GRIA1: variants seen among roughly 807,000 people sequenced by gnomAD.
GRIA1 encodes the protein glutamate ionotropic receptor AMPA type subunit 1.
In GRIA1, 31 loss-of-function variants were observed where a neutral mutation model predicts 99.2. That is an observed-to-expected ratio of 0.31 (90% confidence interval 0.23 to 0.42). The LOEUF (loss-of-function observed/expected upper bound fraction) is 0.42. GRIA1 is among the 10% of genes least tolerant of loss of function. GRIA1 has a pLI of 1.00. For missense variants in GRIA1, 782 were observed against 1,157.5 expected (o/e 0.68, Z 4.71); for synonymous variants, 438 against 432.4 (o/e 1.01, Z -0.16).
At chr5:153,592,488 A>G (rs917104448) in intron 2 of GRIA1, among the ~76,000 whole-genome samples, 10 of 152,250 alleles carry the variant, frequency 6.6e-5, no homozygotes, top group African/African-American at 2.2e-4. Flanking sequence ...GATTTTTCTC[A>G]TCACTAGTTG....
At chr5:153,682,749 G>A (rs1757067712) in intron 7 of GRIA1, among the ~76,000 whole-genome samples, 1 of 152,126 alleles carries the variant, frequency 6.6e-6, no homozygotes, top group Non-Finnish European at 1.5e-5. Context: ...CTCCACCTCT[G>A]CAAGACCCAT....
chr5:153,746,884 C>T (rs940766558), intron 11 of GRIA1, among the ~76,000 whole-genome samples: 3 of 152,102 alleles, frequency 2.0e-5, no homozygotes, highest in African/African-American at 4.8e-5. Flanking sequence ...AGGTAAATCT[C>T]GAGAAAGGAG....
At chr5:153,674,741 T>A in intron 6 of GRIA1, 80 bp downstream of exon 6, 2 of 1,395,984 alleles carry the variant, frequency 1.4e-6, no homozygotes, top group Non-Finnish European at 2.0e-6. Context: ...CATTAGTCTT[T>A]ACAAAGGAAT....
intron 14 of GRIA1, 147 bp from the exon 15 acceptor site, chr5:153,802,209 T>C (rs966258815): frequency 1.5e-6 from 1 of 649,182 alleles, no homozygotes; most frequent in Non-Finnish European, 2.7e-6. Context: ...GGTCAATGAA[T>C]AAATAGCCTA....
chr5:153,735,512 C>A (rs1353256754), intron 11 of GRIA1, among the ~76,000 whole-genome samples: 1 of 152,166 alleles, frequency 6.6e-6, no homozygotes, highest in Non-Finnish European at 1.5e-5. Context: ...AGGGGTCGAT[C>A]TTTAACTACC....
At chr5:153,685,689 A>G (rs189536926) in intron 7 of GRIA1, among the ~76,000 whole-genome samples, 3 of 152,332 alleles carry the variant, frequency 2.0e-5, no homozygotes, top group East Asian at 1.9e-4. Flanking sequence ...AAGTCTTTCA[A>G]TTGCCAAGTA....
At chr5:153,517,400 G>T (rs1756729611) in intron 2 of GRIA1, among the ~76,000 whole-genome samples, 1 of 152,104 alleles carries the variant, frequency 6.6e-6, no homozygotes, top group Admixed American at 6.5e-5. Context: ...GCTTCCAGGG[G>T]TAGTAACCAC....
chr5:153,751,084 G>A (rs1026704027), intron 11 of GRIA1, among the ~76,000 whole-genome samples: 4 of 152,138 alleles, frequency 2.6e-5, no homozygotes, highest in African/African-American at 9.7e-5. Context: ...TGGACAACAA[G>A]AGCGAGACTC....
chr5:153,725,003 T>C (rs1187352612), intron 11 of GRIA1, among the ~76,000 whole-genome samples: 2 of 151,966 alleles, frequency 1.3e-5, no homozygotes, highest in African/African-American at 2.4e-5. Context: ...GAGAGAAAGG[T>C]CGGCTTACCC....
chr5:153,800,912 T>C (rs990953955), intron 14 of GRIA1, among the ~76,000 whole-genome samples: 2 of 152,178 alleles, frequency 1.3e-5, no homozygotes, highest in Non-Finnish European at 2.9e-5. Context: ...AAGGAACACA[T>C]GGAGAGGTAT....
chr5:153,702,222 A>T (rs973433892), intron 10 of GRIA1, among the ~76,000 whole-genome samples: 1 of 152,218 alleles, frequency 6.6e-6, no homozygotes, highest in African/African-American at 2.4e-5. Flanking sequence ...TGCAGATGCC[A>T]TATGCTGCAA....
At chr5:153,584,051 G>T (rs1763264536) in intron 2 of GRIA1, among the ~76,000 whole-genome samples, 1 of 152,200 alleles carries the variant, frequency 6.6e-6, no homozygotes, top group Non-Finnish European at 1.5e-5. Context: ...AACTAGAGGG[G>T]CATTAGTGGA....
At chr5:153,692,390 C>T (rs945301458) in intron 8 of GRIA1, among the ~76,000 whole-genome samples, 1 of 152,174 alleles carries the variant, frequency 6.6e-6, no homozygotes, top group Non-Finnish European at 1.5e-5. Flanking sequence ...AGCCCATGAG[C>T]TAATGGTTAC....
intron 11 of GRIA1, among the ~76,000 whole-genome samples, chr5:153,720,469 A>G (rs1353849395): frequency 6.6e-6 from 1 of 152,190 alleles, no homozygotes; most frequent in Non-Finnish European, 1.5e-5. Flanking sequence ...TCTTTTTGAG[A>G]CTATGTAAAC....
At chr5:153,674,743 C>A in intron 6 of GRIA1, 82 bp downstream of exon 6, 1 of 1,387,726 alleles carries the variant, frequency 7.2e-7, no homozygotes, top group Non-Finnish European at 9.9e-7. Flanking sequence ...TTAGTCTTTA[C>A]AAAGGAATCA....
Position 153,490,988 on chromosome 5 carries a change from C to G in GRIA1, c.82+18C>G, listed in dbSNP as rs373129424. ...CCAGATCGGTGAGTGAGGGGGCAGC[C>G]TGGGGAGGGACTTTCTGGGTCTGGC... is the stretch of plus-strand genomic sequence containing the variant. On this transcript the variant is annotated intron_variant, in intron 1 of 15. Transcript: ENST00000285900. The G allele has an allele frequency of 8.1e-6, 13 of 1,609,634 alleles. No homozygotes were observed. The highest frequency in any genetic ancestry group is 1.0e-5 in the Non-Finnish European group (12 of 1,176,164).
At chr5:153,639,478 C>G (rs1465408283) in intron 2 of GRIA1, among the ~76,000 whole-genome samples, 4 of 152,186 alleles carry the variant, frequency 2.6e-5, no homozygotes, top group Non-Finnish European at 5.9e-5. Flanking sequence ...CCTGAGACTG[C>G]TTCTTTAGCC....
At chr5:153,764,413 C>T in intron 11 of GRIA1, 21 bp from the exon 12 acceptor site, 3 of 1,593,446 alleles carry the variant, frequency 1.9e-6, no homozygotes, top group South Asian at 2.2e-5. Context: ...GCTGCTGATG[C>T]CTCTTCCCTT....
chr5:153,533,337 G>A (rs1482513075), intron 2 of GRIA1, among the ~76,000 whole-genome samples: 4 of 151,704 alleles, frequency 2.6e-5, no homozygotes, highest in South Asian at 4.2e-4. Flanking sequence ...TCGGTTCTTC[G>A]GCTAGCTCCT....
Sources: allele counts gnomAD v4.1 joint callset (sites outside exome capture counted in the v4.1 genomes callset), GRCh38; gene constraint gnomAD v4.1.1; transcripts MANE v1.5; gene names NCBI Gene and HGNC (gene_info 2026-07-23, HGNC 2026-07-21).